Variants in INPP5F observed in about 807,000 individuals in gnomAD.
INPP5F encodes phosphatidylinositide 4-phosphatase SAC2.
INPP5F carries 97 observed loss-of-function variants against 137.2 expected under a neutral mutation model. That is an observed-to-expected ratio of 0.71 (90% CI 0.60 to 0.84). INPP5F has a LOEUF of 0.84. Among genes scored for constraint, INPP5F ranks in the 40% least tolerant of loss-of-function variants. The probability of loss-of-function intolerance (pLI) is 0.00; values close to 1 mark genes in which losing one functional copy is unlikely to be tolerated. For synonymous variants in INPP5F, 504 were observed against 476.9 expected (o/e 1.06, Z -0.74); for missense variants, 1,271 against 1,371.9 (o/e 0.93, Z 1.16).
At chr10:119,744,704 G>A (rs193039187) in intron 1 of INPP5F, among the ~76,000 whole-genome samples, 2 of 152,022 alleles carry the variant, frequency 1.3e-5, no homozygotes, top group East Asian at 1.9e-4. Flanking sequence ...GGTGCGTGCC[G>A]CCACACCTGG....
intron 9 of INPP5F, among the ~76,000 whole-genome samples, chr10:119,801,575 C>CA (rs1278247880): frequency 6.6e-6 from 1 of 151,898 alleles, no homozygotes; most frequent in Non-Finnish European, 1.5e-5. Flanking sequence ...CCTGTCTGTA[C>CA]AAAAAAATTT....
In INPP5F at chr10:119,827,473, C is replaced by A; in HGVS notation, c.3092C>A (p.Ala1031Glu). 6.2e-7 allele frequency: 1 copy of A among 1,614,154 alleles called. No individual in the cohort carries two copies. Among genetic ancestry groups the A allele is most frequent in the South Asian group, 1.1e-5 (1 of 91,076 alleles). The part of the protein sequence containing the change: ...TGPQFLSVEP[A>E]HSVASQKTPT... ...CCACAGTTTTTGTCAGTTGAGCCAG[C>A]GCATTCAGTTGCATCTCAAAAAACC... The change falls in exon 20 of 20, where the codon GCG (alanine) becomes GAG (glutamate). Residue 1031 changes from alanine to glutamate, a missense_variant. Physicochemically the swap from Ala to Glu is moderately radical, Grantham distance 107. This residue lies in a region of INPP5F where 490 missense variants were observed against 443.7 expected (regional missense o/e 1.10). Coordinates refer to ENST00000650623, the MANE Select transcript of INPP5F (RefSeq NM_014937.4).
rs1468813582 is a variant in INPP5F, at chr10:119,797,606, G to C, written c.1014G>C (p.Gly338=). 3 of 1,613,060 alleles carry C rather than the reference G, an allele frequency of 1.9e-6. No homozygotes were observed. The highest frequency in any genetic ancestry group is 2.5e-6 in the Non-Finnish European group (3 of 1,179,594). The change falls in exon 8 of 20, where the codon GGG becomes GGC. Residue 338 remains glycine, a synonymous_variant. Coordinates refer to ENST00000650623, the MANE Select transcript of INPP5F (RefSeq NM_014937.4). ...GSVPVFWSQV[G]YRYNPRPRLD... ...TGCCTGTCTTTTGGAGCCAGGTTGG[G>C]TATCGATATAACCCAAGACCGCGGC...
At position 119,826,540 on chromosome 10, in the gene INPP5F, A is replaced by G. The variant is rs1041539673; in HGVS notation, c.2250-91A>G. On this transcript the variant is annotated intron_variant, in intron 19 of 19. Coordinates refer to ENST00000650623, the MANE Select transcript of INPP5F (RefSeq NM_014937.4). The stretch of plus-strand genomic sequence containing the variant: ...CACTGTTTTCAAGAAGTTGGGACCA[A>G]TTTGAATAACTGTTTTCACTTATGT... 4 of 1,076,542 alleles carry G rather than the reference A, an allele frequency of 3.7e-6. No homozygotes were observed. In the African/African-American group the frequency reaches 4.7e-5, roughly 13 times the overall value. The allele number at this position is 1,076,542 out of a possible 1,614,324, so 66.7% of individuals were successfully genotyped here.
rs554925081 is a variant in INPP5F at position 119,736,410 on chromosome 10, C to T, written c.97+10051C>T. Among the ~76,000 whole-genome samples the T allele has an allele frequency of 9.3e-4, 142 of 152,330 alleles. No homozygotes were observed. In the Middle Eastern group the frequency reaches 0.01, roughly 11 times the overall value. ...TGAACTTCTGGCCTCAAGCAGTCCT[C>T]CTGCCTCAACCTCCCAAAGTTCTCG... On this transcript the variant is annotated intron_variant, in intron 1 of 19. Transcript: ENST00000650623.
intron 6 of INPP5F, among the ~76,000 whole-genome samples, chr10:119,794,872 C>T (rs1458238488): frequency 2.5e-5 from 3 of 118,338 alleles, no homozygotes; most frequent in African/African-American, 5.9e-5. Context: ...ACCTCCCTCC[C>T]GGACGGGGCG....
Position 119,826,841 on chromosome 10 carries a change from A to C in INPP5F, c.2460A>C (p.Leu820Phe). The stretch of plus-strand genomic sequence containing the variant: ...AAGTTAACTTTCTAAAACCAAACTT[A>C]AAAGTAAATCTTTGGAAATCAGATA... ...EMKVNFLKPN[L>F]KVNLWKSDSS... Residue 820 changes from leucine to phenylalanine, a missense_variant, in exon 20 of 20, where the codon TTA becomes TTC. By Grantham distance (22) the Leu-to-Phe change is conservative. Coordinates refer to ENST00000650623, the MANE Select transcript of INPP5F (RefSeq NM_014937.4). 1 of 1,613,566 alleles carries C rather than the reference A, an allele frequency of 6.2e-7. No homozygotes were observed. Among genetic ancestry groups the C allele is most frequent in the Non-Finnish European group, 8.5e-7 (1 of 1,179,740 alleles).
chr10:119,726,473 G>C lies in INPP5F; in HGVS notation c.97+114G>C, dbSNP rs549883122. 6 of 454,618 alleles carry C rather than the reference G, an allele frequency of 1.3e-5. No homozygotes were observed. In the South Asian group the frequency reaches 5.1e-4, roughly 39 times the overall value. 28.2% of individuals were successfully genotyped at this position (454,618 alleles called of 1,614,324 possible). A position where few individuals can be genotyped will look rare whatever the true frequency, so the allele number is the denominator to read the frequency against. On this transcript the variant is annotated intron_variant, in intron 1 of 19. Coordinates refer to ENST00000650623, the MANE Select transcript of INPP5F (RefSeq NM_014937.4). ...GCCGCCTGCGGGCCTGGTGAGGCGGGGCGGGGCGGGCTGCGAGCGCGCGAG... is the reference window on the plus strand; with the variant it reads ...GCCGCCTGCGGGCCTGGTGAGGCGGCGCGGGGCGGGCTGCGAGCGCGCGAG...
chr10:119,726,308 G>A lies in INPP5F; in HGVS notation c.46G>A (p.Glu16Lys). Residue 16 changes from glutamate (E) to lysine (K), a missense_variant, in exon 1 of 20, where the codon GAG (glutamate) becomes AAG (lysine). This residue lies in a region of INPP5F where 109 missense variants were observed against 105.1 expected (regional missense o/e 1.04). Transcript: ENST00000650623. ...AKDHYILQQG[E>K]RALWCSRRDG... ...GGACCACTACATCCTGCAGCAGGGCGAGCGCGCGCTGTGGTGCAGCCGCCG... is the reference window on the plus strand; with the variant it reads ...GGACCACTACATCCTGCAGCAGGGCAAGCGCGCGCTGTGGTGCAGCCGCCG... 2.7e-6 allele frequency: 4 copies of A among 1,486,406 alleles called. No individual in the cohort carries two copies. Among genetic ancestry groups the A allele is most frequent in the Non-Finnish European group, 3.6e-6 (4 of 1,117,156 alleles). 92.1% of individuals were successfully genotyped at this position (1,486,406 alleles called of 1,614,324 possible).
rs548948691 is a variant in INPP5F, at chr10:119,809,475, A to G, written c.1570-625A>G. On this transcript the variant is annotated intron_variant, in intron 13 of 19. Coordinates refer to ENST00000650623, the MANE Select transcript of INPP5F (RefSeq NM_014937.4). ...AGAAATAGAGGGGTTGGGATGGGGAAAAAGAGACTACACCTTCCTTGCCTT... is the reference window on the plus strand; with the variant it reads ...AGAAATAGAGGGGTTGGGATGGGGAGAAAGAGACTACACCTTCCTTGCCTT... Among the ~76,000 whole-genome samples, 6 of 152,286 alleles carry G rather than the reference A, an allele frequency of 3.9e-5. No individual in the cohort carries two copies. The East Asian group carries it at 1.2e-3, about 29-fold the overall frequency.
chr10:119,755,199 A>G (rs1340293028), intron 2 of INPP5F, among the ~76,000 whole-genome samples: 1 of 152,218 alleles, frequency 6.6e-6, no homozygotes, highest in East Asian at 1.9e-4. Context: ...CTGTCATAGC[A>G]AAGTGCCACC....
chr10:119,791,016 G>A (rs1850124181), intron 3 of INPP5F, among the ~76,000 whole-genome samples: 1 of 152,192 alleles, frequency 6.6e-6, no homozygotes, highest in South Asian at 2.1e-4. Context: ...GAGCGTAGGA[G>A]GAGAGGGAGT....
intron 1 of INPP5F, among the ~76,000 whole-genome samples, chr10:119,731,292 TTC>T (rs1440735735): frequency 3.9e-5 from 6 of 152,148 alleles, no homozygotes; most frequent in Admixed American, 3.3e-4. Flanking sequence ...TGTGAAATGA[TTC>T]TGTTTATTTG....
intron 16 of INPP5F, among the ~76,000 whole-genome samples, chr10:119,821,769 C>T (rs191185134): frequency 2.6e-5 from 4 of 151,432 alleles, no homozygotes; most frequent in Non-Finnish European, 4.4e-5. Context: ...TGTGCACACG[C>T]GCGCGCATGT....
chr10:119,734,752 CTG>C (rs1188714462), intron 1 of INPP5F, among the ~76,000 whole-genome samples: 2 of 152,298 alleles, frequency 1.3e-5, no homozygotes, highest in South Asian at 2.1e-4. Flanking sequence ...TACTATGTCT[CTG>C]TGTGTCTTTT....
At chr10:119,743,701 A>G (rs1040805498) in intron 1 of INPP5F, among the ~76,000 whole-genome samples, 3 of 151,998 alleles carry the variant, frequency 2.0e-5, no homozygotes, top group African/African-American at 7.3e-5. Flanking sequence ...AGGGTCTCAC[A>G]AGCCTTTCCA....
At chr10:119,744,448 G>GA (rs1335520018) in intron 1 of INPP5F, among the ~76,000 whole-genome samples, 4 of 151,750 alleles carry the variant, frequency 2.6e-5, no homozygotes, top group Non-Finnish European at 5.9e-5. Context: ...AGACTTAGAA[G>GA]AAAAAAATAG....
intron 10 of INPP5F, 37 bp from the exon 11 acceptor site, chr10:119,805,347 A>G (rs2273748): frequency 0.28 from 428,951 of 1,520,372 alleles, 65,144 homozygotes; most frequent in East Asian, 0.6. Flanking sequence ...CTATGATTAA[A>G]TTAAAGATTT....
intron 1 of INPP5F, among the ~76,000 whole-genome samples, chr10:119,736,723 G>A (rs1848225706): frequency 6.6e-6 from 1 of 152,122 alleles, no homozygotes; most frequent in Non-Finnish European, 1.5e-5. Context: ...TTTTGTGTTT[G>A]GATATTGTAG....
Sources: allele counts gnomAD v4.1 joint callset (sites outside exome capture counted in the v4.1 genomes callset), GRCh38; gene constraint gnomAD v4.1.1; regional missense constraint gnomAD v4.1.1; transcripts MANE v1.5; gene names NCBI Gene and HGNC (gene_info 2026-07-23, HGNC 2026-07-21).